UGGT1: variants seen among roughly 807,000 people sequenced by gnomAD.
The protein encoded by UGGT1 is UDP-glucose:glycoprotein glucosyltransferase 1.
UGGT1 carries 107 observed loss-of-function variants against 203.9 expected under a neutral mutation model. The observed-to-expected ratio is 0.52, with a 90% confidence interval of 0.45 to 0.62. The LOEUF (loss-of-function observed/expected upper bound fraction) is 0.62, where lower values mean the gene tolerates loss of function less well. Among genes scored for constraint, UGGT1 ranks in the 20% least tolerant of loss-of-function variants. The probability of loss-of-function intolerance (pLI) is 0.00; values close to 1 mark genes in which losing one functional copy is unlikely to be tolerated. For missense variants in UGGT1, 1,673 were observed against 1,867.2 expected (o/e 0.90, Z 1.92); for synonymous variants, 628 against 653.5 (o/e 0.96, Z 0.59).
chr2:128,133,308 T>TA (rs762012081), intron 14 of UGGT1, 48 bp downstream of exon 14: 28 of 1,485,658 alleles, frequency 1.9e-5, no homozygotes, highest in Admixed American at 3.9e-5. Context: ...CTCCCTTGCC[T>TA]AGTCCCTCTT....
chr2:128,173,355 A>G (rs1280538019), intron 29 of UGGT1, among the ~76,000 whole-genome samples: 1 of 152,140 alleles, frequency 6.6e-6, no homozygotes, highest in African/African-American at 2.4e-5. Flanking sequence ...AAGTTTTTCT[A>G]CTGATACGTG....
At chr2:128,160,326 T>C in intron 23 of UGGT1, 134 bp from the exon 24 acceptor site, 1 of 911,674 alleles carries the variant, frequency 1.1e-6, no homozygotes, top group East Asian at 2.9e-5. Flanking sequence ...AATTGACACA[T>C]CTTAATGTTA....
rs1690476601 is a variant in UGGT1 at position 128,160,567 on chromosome 2, G to C, written c.2670G>C (p.Gln890His). The change falls in exon 24 of 41, where the codon CAG becomes CAC. Residue 890 changes from glutamine (Q) to histidine (H), a missense_variant. Physicochemically the swap from Gln to His is conservative, Grantham distance 24 (BLOSUM62 0). Coordinates refer to ENST00000259253, the MANE Select transcript of UGGT1 (RefSeq NM_020120.4). ...ATGTTCTGAAGCTGAAGAAGGGACA[G>C]AGGGCAGTGATCAGCAATGGAAGGG... The part of the protein sequence containing the change: ...CRDVLKLKKG[Q>H]RAVISNGRII... 1 of 1,613,098 alleles carries C rather than the reference G, an allele frequency of 6.2e-7. No individual in the cohort carries two copies.
rs1692172899 is a variant in UGGT1 at position 128,189,932 on chromosome 2, T to C, written c.*190T>C. The C allele has an allele frequency of 3.5e-6, 2 of 576,792 alleles. No homozygotes were observed. Among genetic ancestry groups the C allele is most frequent in the Non-Finnish European group, 3.0e-6 (1 of 330,872 alleles). The allele number at this position is 576,792 out of a possible 1,614,324, so 35.7% of individuals were successfully genotyped here. A position where few individuals can be genotyped will look rare whatever the true frequency, so the allele number is the denominator to read the frequency against. On this transcript the variant is annotated 3_prime_UTR_variant, in exon 41 of 41. Transcript: ENST00000259253. ...CTGGATCTTTGGGATTAAAGCTCTG[T>C]TGGATTTGTACCTCAGAGGAAGACC...
chr2:128,157,231 G>T, intron 21 of UGGT1, 21 bp from the exon 22 acceptor site: 1 of 1,563,742 alleles, frequency 6.4e-7, no homozygotes. Flanking sequence ...GACTCAATTA[G>T]CTGTTTTTGT....
intron 18 of UGGT1, among the ~76,000 whole-genome samples, chr2:128,147,953 G>T (rs1689769066): frequency 6.6e-6 from 1 of 152,174 alleles, no homozygotes; most frequent in Non-Finnish European, 1.5e-5. Context: ...CTAGGAATTT[G>T]AAATAATATA....
rs150415999 is a variant in UGGT1, at chr2:128,141,111, G to A, written c.1720-1983G>A. On this transcript the variant is annotated intron_variant, in intron 16 of 40. Transcript: ENST00000259253. The stretch of plus-strand genomic sequence containing the variant: ...GGCCAAGGGAGGGAGATCACCTGAG[G>A]TCAGGAGTTTGAGACCAGCCTGGCC... 9.5e-3 allele frequency among the ~76,000 whole-genome samples: 1,446 copies of A among 152,158 alleles called. 22 individuals are homozygous for A. Among genetic ancestry groups the A allele is most frequent in the African/African-American group, 0.032 (1,321 of 41,532 alleles).
intron 26 of UGGT1, among the ~76,000 whole-genome samples, chr2:128,167,109 A>G (rs1690833916): frequency 2.0e-5 from 3 of 152,088 alleles, no homozygotes; most frequent in South Asian, 2.1e-4. Context: ...CCATTTTCTC[A>G]ACATTTTGTG....
At chr2:128,096,265 T>G (rs1440223836) in intron 1 of UGGT1, among the ~76,000 whole-genome samples, 1 of 152,172 alleles carries the variant, frequency 6.6e-6, no homozygotes, top group Non-Finnish European at 1.5e-5. Context: ...TTTCTTTATT[T>G]CAGAACCTGT....
intron 18 of UGGT1, among the ~76,000 whole-genome samples, chr2:128,150,795 A>G (rs1486388132): frequency 6.6e-6 from 1 of 151,996 alleles, no homozygotes; most frequent in Non-Finnish European, 1.5e-5. Flanking sequence ...TATGAATGAA[A>G]TCAAGGGTCA....
intron 22 of UGGT1, among the ~76,000 whole-genome samples, chr2:128,158,690 C>G (rs1353638658): frequency 6.6e-6 from 1 of 152,040 alleles, no homozygotes; most frequent in Non-Finnish European, 1.5e-5. Context: ...TTTGGTACAC[C>G]CAAATATAAA....
chr2:128,177,623 C>G (rs1691466238), intron 32 of UGGT1, among the ~76,000 whole-genome samples: 1 of 152,186 alleles, frequency 6.6e-6, no homozygotes, highest in Non-Finnish European at 1.5e-5. Context: ...AAAGAGGTTG[C>G]TGTCTCCTCA....
At chr2:128,184,726 G>C (rs1691883718) in intron 38 of UGGT1, among the ~76,000 whole-genome samples, 1 of 152,070 alleles carries the variant, frequency 6.6e-6, no homozygotes, top group Non-Finnish European at 1.5e-5. Context: ...TCCCAGGCTG[G>C]AGTGCAGTGG....
intron 38 of UGGT1, among the ~76,000 whole-genome samples, chr2:128,185,401 C>T (rs1691924213): frequency 6.6e-6 from 1 of 151,268 alleles, no homozygotes; most frequent in Middle Eastern, 3.2e-3. Context: ...AACTCCTGAC[C>T]TCAGGTGATC....
In UGGT1 at chr2:128,186,753, CGTG is replaced by C; in HGVS notation, c.4434_4436del (p.Trp1478del). 6.2e-7 allele frequency: 1 copy of C among 1,613,272 alleles called. No individual in the cohort carries two copies. Among genetic ancestry groups the C allele is most frequent in the Non-Finnish European group, 8.5e-7 (1 of 1,179,636 alleles). Reference sequence around the variant, plus strand: ...CCTCAAGAATGGCTTTGGTGTGAAACGTGGTGTGATGACGCCTCTAAGAAAAGG... The same window carrying C: ...CCTCAAGAATGGCTTTGGTGTGAAACGTGTGATGACGCCTCTAAGAAAAGG... On this transcript the variant is annotated inframe_deletion, in exon 39 of 41. Transcript: ENST00000259253.
intron 29 of UGGT1, among the ~76,000 whole-genome samples, chr2:128,173,032 T>A (rs1483136060): frequency 6.6e-6 from 1 of 152,220 alleles, no homozygotes; most frequent in African/African-American, 2.4e-5. Flanking sequence ...CCATACTCAT[T>A]AGCAGTCACT....
intron 30 of UGGT1, among the ~76,000 whole-genome samples, chr2:128,174,278 T>G (rs560999933): frequency 6.6e-6 from 1 of 152,064 alleles, no homozygotes; most frequent in Non-Finnish European, 1.5e-5. Context: ...GAGCAGATGA[T>G]TTATTGGTGT....
Position 128,169,048 on chromosome 2 carries a change from TAAAAAAAAAAAAAAAAAAA to T in UGGT1, c.2922-1215_2922-1197del, listed in dbSNP as rs544381740. ...GGGTGAATGAGCGAGACTCTGTCTT[TAAAAAAAAAAAAAAAAAAA>T]AAAAAAAAAAAAAAAAAAAAAAAAG... On this transcript the variant is annotated intron_variant, in intron 26 of 40. Transcript: ENST00000259253. 2.8e-3 allele frequency among the ~76,000 whole-genome samples: 146 copies of T among 52,570 alleles called. 4 individuals carry two copies. The highest frequency in any genetic ancestry group is 0.012 in the African/African-American group (114 of 9,712). 34.5% of individuals were successfully genotyped at this position (52,570 alleles called of 152,430 possible). A position where few individuals can be genotyped will look rare whatever the true frequency, so the allele number is the denominator to read the frequency against.
chr2:128,143,212 A>G lies in UGGT1; in HGVS notation c.1838A>G (p.Asp613Gly), dbSNP rs1488456165. 2 of 1,613,392 alleles carry G rather than the reference A, an allele frequency of 1.2e-6. No homozygotes were observed. Among genetic ancestry groups the G allele is most frequent in the Admixed American group, 3.3e-5 (2 of 59,874 alleles). Residue 613 changes from aspartate to glycine, a missense_variant, in exon 17 of 41, where the codon GAT becomes GGT. Asp to Gly is a moderately conservative substitution (Grantham distance 94). Coordinates refer to ENST00000259253, the MANE Select transcript of UGGT1 (RefSeq NM_020120.4). ...NSILGIDSAYDRNRKEARGYY... is the reference protein window; with the variant it reads ...NSILGIDSAYGRNRKEARGYY... ...ATTTTGGGGATTGATTCTGCTTATG[A>G]TCGGAATCGGAAGGTAAAAAATTTC...
Sources: allele counts gnomAD v4.1 joint callset (sites outside exome capture counted in the v4.1 genomes callset), GRCh38; gene constraint gnomAD v4.1.1; transcripts MANE v1.5; gene names NCBI Gene and HGNC (gene_info 2026-07-23, HGNC 2026-07-21).